The following GNB1L variants were observed in gnomAD, a reference collection of about 807,000 sequenced individuals.
GNB1L encodes guanine nucleotide-binding protein subunit beta-like protein 1.
Under a neutral mutation model 29.1 loss-of-function variants are expected in GNB1L, and 20 were observed. That is an observed-to-expected ratio of 0.69 (90% CI 0.48 to 1.00). The LOEUF is 1.00. Among genes scored for constraint, GNB1L ranks in the 50% least tolerant of loss-of-function variants. The pLI, the probability that GNB1L is intolerant of heterozygous loss-of-function variation, is 0.00. For synonymous variants in GNB1L, 193 were observed against 206.5 expected, an observed-to-expected ratio of 0.93 and a Z score of 0.56; for missense variants, 421 against 464.9, an observed-to-expected ratio of 0.91 and a Z score of 0.87.
intron 5 of GNB1L, among the ~76,000 whole-genome samples, chr22:19,808,990 G>A (rs910304350): frequency 1.3e-5 from 2 of 152,058 alleles, no homozygotes; most frequent in African/African-American, 4.8e-5. Context: ...CAAATGATAC[G>A]GGAGAGGGGC....
chr22:19,815,780 C>T (rs577342065), intron 4 of GNB1L, among the ~76,000 whole-genome samples: 239 of 152,246 alleles, frequency 1.6e-3, no homozygotes, highest in Middle Eastern at 3.4e-3. Context: ...CGAGATTTCA[C>T]CATGTTTCCC....
rs1378302742 is a variant in GNB1L at position 19,816,732 on chromosome 22, C to T, written c.254+3866G>A. ...CACACAACACACAGGTTCTTTCTCA[C>T]CTTCCCCCTTCTCGTGTCTGTAACT... On this transcript the variant is annotated intron_variant, in intron 4 of 7. Transcript: ENST00000329517. This position sits in a 1 kb window ranked among gnomAD's most constrained non-coding sequence, Gnocchi z 4.4. Among the ~76,000 whole-genome samples, 2 of 152,196 alleles carry T rather than the reference C, an allele frequency of 1.3e-5. No homozygotes were observed. The highest frequency in any genetic ancestry group is 2.9e-5 in the Non-Finnish European group (2 of 68,032).
At chr22:19,796,126 G>A (rs1937303639) in intron 7 of GNB1L, among the ~76,000 whole-genome samples, 1 of 152,242 alleles carries the variant, frequency 6.6e-6, no homozygotes, top group Admixed American at 6.5e-5. Context: ...CATATTAATA[G>A]TTGGAAAAAT....
intron 2 of GNB1L, chr22:19,847,498 T>C: frequency 1.0e-6 from 1 of 985,364 alleles, no homozygotes; most frequent in Non-Finnish European, 1.2e-6. Flanking sequence ...AACCACCCCA[T>C]GAGGAAAAAC....
intron 2 of GNB1L, among the ~76,000 whole-genome samples, chr22:19,835,385 A>AAC (rs1555902291): frequency 4.1e-4 from 61 of 149,644 alleles, no homozygotes; most frequent in African/African-American, 1.2e-3. Context: ...AAAAAAAAAA[A>AAC]AAACAAACAA....
intron 3 of GNB1L, 151 bp from the exon 4 acceptor site, chr22:19,820,874 T>A (rs1186719609): frequency 3.2e-6 from 3 of 923,532 alleles, no homozygotes; most frequent in South Asian, 1.8e-5. Context: ...AGGGCCAAAC[T>A]GGCAAAGCAC....
chr22:19,849,142 A>G, intron 2 of GNB1L: 1 of 985,386 alleles, frequency 1.0e-6, no homozygotes, highest in South Asian at 4.7e-5. Context: ...AAGACTGAAA[A>G]TGGGTTTCTT....
intron 2 of GNB1L, among the ~76,000 whole-genome samples, chr22:19,826,448 T>C (rs1389917263): frequency 6.6e-6 from 1 of 152,140 alleles, no homozygotes; most frequent in East Asian, 1.9e-4. Flanking sequence ...TCGAGAGTCA[T>C]GAGAGGCAAC....
rs142225199 is a variant in GNB1L, at chr22:19,839,834, C to T, written c.-21+14609G>A. Among the ~76,000 whole-genome samples, 718 of 151,892 alleles carry T rather than the reference C, an allele frequency of 4.7e-3. 5 individuals are homozygous for T. The highest frequency in any genetic ancestry group is 0.017 in the African/African-American group (692 of 41,418). On this transcript the variant is annotated intron_variant, in intron 2 of 7. Transcript: ENST00000329517. ...GGTGGAGGTTGCAGTGAGCCAAGAT[C>T]GTACCACTGCACTCCAGCCTGGGCA...
At chr22:19,833,159 A>G (rs1426029361) in intron 2 of GNB1L, among the ~76,000 whole-genome samples, 1 of 152,172 alleles carries the variant, frequency 6.6e-6, no homozygotes, top group Non-Finnish European at 1.5e-5. Context: ...AATGAGACCA[A>G]CTCTCAAGGA....
intron 6 of GNB1L, among the ~76,000 whole-genome samples, chr22:19,804,277 A>T (rs1223663321): frequency 1.3e-5 from 2 of 152,180 alleles, no homozygotes. Context: ...CTGCCCGCAG[A>T]TGAGACCTGG....
intron 2 of GNB1L, chr22:19,847,824 A>AAAAAAAAAAAAAAAAAAAAAAAAAAAAAC (rs1338653759): frequency 1.1e-6 from 1 of 912,270 alleles, no homozygotes; most frequent in African/African-American, 1.9e-5. Flanking sequence ...AAAAAAAAAA[A>AAAAAAAAAAAAAAAAAAAAAAAAAAAAAC]ATTCACCCAT....
chr22:19,847,804 CAAAAAAAA>C (rs34331843), intron 2 of GNB1L: 10 of 612,394 alleles, frequency 1.6e-5, no homozygotes, highest in Admixed American at 1.2e-4. Context: ...GAATCATAGG[CAAAAAAAA>C]AAAAAAAAAA....
intron 7 of GNB1L, 99 bp downstream of exon 7, chr22:19,801,902 G>A: frequency 2.0e-6 from 2 of 1,022,174 alleles, no homozygotes; most frequent in Non-Finnish European, 1.4e-6. Flanking sequence ...ATTAGCCAGG[G>A]ATCTGCAACA....
At chr22:19,821,423 C>T in intron 2 of GNB1L, 48 bp from the exon 3 acceptor site, 1 of 1,565,918 alleles carries the variant, frequency 6.4e-7, no homozygotes, top group Non-Finnish European at 8.7e-7. Context: ...CTATTCTCAC[C>T]CTCTAGGAAG....
chr22:19,826,493 C>T (rs577450575), intron 2 of GNB1L, among the ~76,000 whole-genome samples: 5 of 152,248 alleles, frequency 3.3e-5, no homozygotes, highest in Admixed American at 1.3e-4. Context: ...GCAGAGCACT[C>T]GGGTATATAA....
At chr22:19,797,113 C>T (rs1937315004) in intron 7 of GNB1L, among the ~76,000 whole-genome samples, 1 of 152,156 alleles carries the variant, frequency 6.6e-6, no homozygotes, top group Non-Finnish European at 1.5e-5. Flanking sequence ...AAAATAACTG[C>T]CCAGTAATGG....
At chr22:19,852,273 A>G in intron 2 of GNB1L, 2 of 1,589,428 alleles carry the variant, frequency 1.3e-6, no homozygotes, top group East Asian at 4.5e-5. Context: ...CTGGGAGCAC[A>G]GGGGAGAAGA....
intron 2 of GNB1L, chr22:19,851,778 G>A (rs368961068): frequency 6.2e-7 from 1 of 1,613,556 alleles, no homozygotes; most frequent in Non-Finnish European, 8.5e-7. Context: ...GGCAGGGGCA[G>A]GTCCCCATCA....
Sources: gnomAD v4.1 joint callset for allele counts (sites outside exome capture counted in the v4.1 genomes callset) on GRCh38, gnomAD v4.1.1 for gene constraint, Gnocchi (gnomAD v3.1) non-coding constraint, MANE v1.5 for transcripts, NCBI Gene and HGNC (gene_info 2026-07-23, HGNC 2026-07-21) for gene names.